Variants in IPMK observed in about 807,000 individuals in gnomAD.
IPMK encodes inositol 1,3,4,6-tetrakisphosphate 5-kinase.
In IPMK, 17 loss-of-function variants were observed where a neutral mutation model predicts 45.8. The observed-to-expected ratio is 0.37, with a 90% CI of 0.25 to 0.56. The LOEUF (loss-of-function observed/expected upper bound fraction) is 0.56. Ranked by LOEUF, IPMK falls within the 20% of genes least tolerant of loss-of-function variation. IPMK has a pLI of 0.79. For missense variants in IPMK, 399 were observed against 498.0 expected, an observed-to-expected ratio of 0.80 and a Z score of 1.89; for synonymous variants, 180 against 184.3, an observed-to-expected ratio of 0.98 and a Z score of 0.19.
intron 1 of IPMK, among the ~76,000 whole-genome samples, chr10:58,239,988 A>T (rs1838672893): frequency 6.6e-6 from 1 of 152,214 alleles, no homozygotes; most frequent in South Asian, 2.1e-4. Flanking sequence ...TTTAAATAAA[A>T]TGCCCTAGAT....
intron 1 of IPMK, among the ~76,000 whole-genome samples, chr10:58,266,212 TA>T (rs1214948025): frequency 6.6e-6 from 1 of 151,386 alleles, no homozygotes; most frequent in Non-Finnish European, 1.5e-5. Context: ...TATGAGAGAA[TA>T]CAGATTCTCT....
At chr10:58,262,001 C>T (rs1839076508) in intron 1 of IPMK, among the ~76,000 whole-genome samples, 1 of 152,032 alleles carries the variant, frequency 6.6e-6, no homozygotes, top group African/African-American at 2.4e-5. Context: ...GGACAGAAAA[C>T]CAAACACCGC....
At chr10:58,234,503 G>T (rs12262218) in intron 2 of IPMK, among the ~76,000 whole-genome samples, 51,439 of 151,854 alleles carry the variant, frequency 0.34, 10,944 homozygotes, top group African/African-American at 0.61. Flanking sequence ...TCCTCAGAAA[G>T]AACACCACAC....
At chr10:58,249,646 A>G (rs1411025760) in intron 1 of IPMK, among the ~76,000 whole-genome samples, 3 of 152,074 alleles carry the variant, frequency 2.0e-5, no homozygotes, top group African/African-American at 7.2e-5. Flanking sequence ...CTCCCATTCT[A>G]TAGGCTGTCA....
chr10:58,212,774 A>T, intron 4 of IPMK: 1 of 224,182 alleles, frequency 4.5e-6, no homozygotes, highest in Non-Finnish European at 9.8e-6. Context: ...TAGTTCTTGT[A>T]GGTGTTTTTT....
chr10:58,207,026 G>C (rs1838080545), intron 4 of IPMK, among the ~76,000 whole-genome samples: 1 of 152,042 alleles, frequency 6.6e-6, no homozygotes, highest in African/African-American at 2.4e-5. Context: ...TTTTGAGACG[G>C]AGTCTTGCTC....
In IPMK at chr10:58,267,513, C is replaced by A. The variant is rs749061891; in HGVS notation, c.99G>T (p.Pro33=). Residue 33 remains proline (P), a synonymous_variant, in exon 1 of 6, where the codon CCG becomes CCT. Coordinates refer to ENST00000373935, the MANE Select transcript of IPMK (RefSeq NM_152230.5). ...PAIESTPEGT[P]QPAGGRLRFL... is the part of the protein sequence containing the mutation. The stretch of plus-strand genomic sequence containing the variant: ...AGCGGAGTCTGCCGCCCGCCGGCTG[C>A]GGGGTGCCCTCAGGGGTGGACTCGA... 7 of 1,613,264 alleles carry A rather than the reference C, an allele frequency of 4.3e-6. No individual in the cohort carries two copies. The South Asian group carries it at 7.7e-5, about 18-fold the overall frequency.
intron 2 of IPMK, among the ~76,000 whole-genome samples, chr10:58,235,969 C>T (rs1424606167): frequency 2.0e-5 from 3 of 151,822 alleles, no homozygotes; most frequent in Non-Finnish European, 4.4e-5. Context: ...ACCCTGTCCC[C>T]CCATGCTGGA....
At chr10:58,214,019 T>G (rs1464039227) in intron 4 of IPMK, among the ~76,000 whole-genome samples, 1 of 152,236 alleles carries the variant, frequency 6.6e-6, no homozygotes, top group Non-Finnish European at 1.5e-5. Flanking sequence ...AAGCTAAATC[T>G]GCAGTTGGAA....
intron 2 of IPMK, among the ~76,000 whole-genome samples, chr10:58,228,442 CTCT>C (rs1255350402): frequency 1.3e-5 from 2 of 152,216 alleles, no homozygotes; most frequent in Non-Finnish European, 2.9e-5. Context: ...GATAAATTTT[CTCT>C]TCTTATTTAG....
chr10:58,205,618 A>C (rs1838059122), intron 4 of IPMK, among the ~76,000 whole-genome samples: 1 of 152,330 alleles, frequency 6.6e-6, no homozygotes, highest in East Asian at 1.9e-4. Context: ...GTGGGAACTA[A>C]GCTATGAGTA....
chr10:58,210,553 G>A (rs1257936136), intron 4 of IPMK, among the ~76,000 whole-genome samples: 1 of 152,198 alleles, frequency 6.6e-6, no homozygotes, highest in East Asian at 1.9e-4. Context: ...TCCGCTGGCT[G>A]CCTTCCCTGA....
At chr10:58,233,978 A>G (rs1166467701) in intron 2 of IPMK, among the ~76,000 whole-genome samples, 1 of 152,226 alleles carries the variant, frequency 6.6e-6, no homozygotes, top group Non-Finnish European at 1.5e-5. Flanking sequence ...CTCAGGATAC[A>G]AAATCAATGT....
chr10:58,214,765 G>C (rs1656502590), intron 4 of IPMK, among the ~76,000 whole-genome samples: 1 of 152,116 alleles, frequency 6.6e-6, no homozygotes, highest in African/African-American at 2.4e-5. Flanking sequence ...CAAGTATTTG[G>C]TATATCCACA....
At chr10:58,219,675 T>C (rs369692945) in intron 3 of IPMK, among the ~76,000 whole-genome samples, 1 of 152,190 alleles carries the variant, frequency 6.6e-6, no homozygotes. Context: ...CAACCCATCA[T>C]TGGATTATGA....
rs1449604048 is a variant in IPMK, at chr10:58,193,674, G to A, written c.*2402C>T. On this transcript the variant is annotated 3_prime_UTR_variant, in exon 6 of 6. Coordinates refer to ENST00000373935, the MANE Select transcript of IPMK (RefSeq NM_152230.5). ...GAAATACACTAAAATCATTACTTAT[G>A]TTTCATAGGGGAAAAAAAACTATGA... is the stretch of plus-strand genomic sequence containing the variant. 2.6e-5 allele frequency: 4 copies of A among 151,510 alleles called. No homozygotes were observed. The highest frequency in any genetic ancestry group is 2.6e-4 in the Admixed American group (4 of 15,222). The allele number at this position is 151,510 out of a possible 1,614,324, so 9.4% of individuals were successfully genotyped here.
At chr10:58,245,608 T>C (rs1455600234) in intron 1 of IPMK, among the ~76,000 whole-genome samples, 4 of 112,174 alleles carry the variant, frequency 3.6e-5, no homozygotes, top group Non-Finnish European at 5.2e-5. Flanking sequence ...GAAGACTCTG[T>C]CTCAAAAAAA....
In IPMK at chr10:58,199,274, G is replaced by A. The variant is rs200443361; in HGVS notation, c.594C>T (p.Tyr198=). The A allele has an allele frequency of 2.3e-5, 37 of 1,608,182 alleles. 1 individual carries two copies. The highest frequency in any genetic ancestry group is 2.1e-4 in the South Asian group (19 of 90,434). The change falls in exon 5 of 6, where the codon TAC becomes TAT. Residue 198 remains tyrosine, a synonymous_variant. Coordinates refer to ENST00000373935, the MANE Select transcript of IPMK (RefSeq NM_152230.5). ...TAGTTTCTTTTGTTAAGCTTCTTCC[G>A]TAATGCTGGTTTTCTGTCTCATAGC... ...SDSYETENQH[Y]GRSLTKETIK...
Position 58,267,804 on chromosome 10 carries a change from C to CTT in IPMK, c.-194_-193insAA. On this transcript the variant is annotated 5_prime_UTR_variant, in exon 1 of 6. Transcript: ENST00000373935. Reference sequence around the variant, plus strand: ...GGCGCGGGCGCTCCTCTGCCCAACTCTCGGCGGAACGCGGCTCCCGGCTCC... The same window carrying CTT: ...GGCGCGGGCGCTCCTCTGCCCAACTCTTTCGGCGGAACGCGGCTCCCGGCTCC... 1.9e-6 allele frequency: 1 copy of CTT among 518,696 alleles called. No homozygotes were observed. The highest frequency in any genetic ancestry group is 3.4e-6 in the Non-Finnish European group (1 of 296,782). 32.1% of individuals were successfully genotyped at this position (518,696 alleles called of 1,614,324 possible). A position where few individuals can be genotyped will look rare whatever the true frequency, so the allele number is the denominator to read the frequency against.
Sources: allele counts gnomAD v4.1 joint callset (sites outside exome capture counted in the v4.1 genomes callset), GRCh38; gene constraint gnomAD v4.1.1; transcripts MANE v1.5; gene names NCBI Gene and HGNC (gene_info 2026-07-23, HGNC 2026-07-21).